TPRG1: variants seen among roughly 807,000 people sequenced by gnomAD.
TPRG1 encodes tumor protein p63 regulated 1.
TPRG1 carries 29 observed loss-of-function variants against 29.3 expected under a neutral mutation model. The ratio of observed to expected loss-of-function variants is 0.99; its 90% confidence interval spans 0.74 to 1.35. TPRG1 has a LOEUF of 1.35. Ranked by LOEUF, TPRG1 falls within the 40% of genes most tolerant of loss-of-function variation. The pLI, the probability that TPRG1 is intolerant of heterozygous loss-of-function variation, is 0.00. For synonymous variants in TPRG1, 130 were observed against 116.8 expected (o/e 1.11, Z -0.73); for missense variants, 327 against 335.0 (o/e 0.98, Z 0.19).
chr3:188,997,705 CAA>C (rs906905839), intron 1 of TPRG1, among the ~76,000 whole-genome samples: 1 of 152,160 alleles, frequency 6.6e-6, no homozygotes, highest in Admixed American at 6.5e-5. Flanking sequence ...GTTCCTGAAA[CAA>C]AGTTTATCAT....
At chr3:189,107,917 G>GA (rs922884852) in intron 1 of TPRG1, among the ~76,000 whole-genome samples, 3 of 151,474 alleles carry the variant, frequency 2.0e-5, no homozygotes, top group African/African-American at 7.3e-5. Flanking sequence ...TCACTTCCTT[G>GA]AAAAAAAATT....
intron 4 of TPRG1, among the ~76,000 whole-genome samples, chr3:189,090,163 T>C (rs1718246126): frequency 6.6e-6 from 1 of 152,156 alleles, no homozygotes. Flanking sequence ...AATATTACTT[T>C]AATACAAAGC....
chr3:189,283,086 C>T (rs1717431186), intron 4 of TPRG1, among the ~76,000 whole-genome samples: 1 of 152,192 alleles, frequency 6.6e-6, no homozygotes, highest in African/African-American at 2.4e-5. Flanking sequence ...AATCAACCCA[C>T]TCTCAAGGTG....
At chr3:189,204,947 TCACACACACACA>T (rs35018569) in intron 1 of TPRG1, among the ~76,000 whole-genome samples, 3 of 147,068 alleles carry the variant, frequency 2.0e-5, no homozygotes, top group African/African-American at 5.0e-5. Context: ...TCTCTCTCTC[TCACACACACACA>T]CACACACACA....
intron 4 of TPRG1, among the ~76,000 whole-genome samples, chr3:189,272,340 A>T (rs1302033782): frequency 6.6e-6 from 1 of 152,056 alleles, no homozygotes; most frequent in African/African-American, 2.4e-5. Context: ...TTTTGTGCCA[A>T]CTCTGCCAGG....
chr3:189,306,969 T>G lies in TPRG1; in HGVS notation c.480-3417T>G, dbSNP rs537043231. Reference sequence around the variant, plus strand: ...CTTGATAATTTGATGTTGGCAACCTTTACTTAGGACTTTAATTAACCCATC... The same window carrying G: ...CTTGATAATTTGATGTTGGCAACCTGTACTTAGGACTTTAATTAACCCATC... On this transcript the variant is annotated intron_variant, in intron 4 of 5. Coordinates refer to ENST00000345063, the MANE Select transcript of TPRG1 (RefSeq NM_198485.4). Among the ~76,000 whole-genome samples the G allele has an allele frequency of 1.2e-4, 18 of 152,320 alleles. No homozygotes were observed. The South Asian group carries it at 3.7e-3, about 32-fold the overall frequency.
At chr3:189,197,793 A>G (rs1184710823) in intron 1 of TPRG1, among the ~76,000 whole-genome samples, 1 of 152,252 alleles carries the variant, frequency 6.6e-6, no homozygotes, top group Non-Finnish European at 1.5e-5. Flanking sequence ...CACATAAACA[A>G]GAAAGAATTT....
chr3:189,107,412 A>C (rs963811606), intron 1 of TPRG1, among the ~76,000 whole-genome samples: 1 of 152,186 alleles, frequency 6.6e-6, no homozygotes, highest in Non-Finnish European at 1.5e-5. Context: ...AAAAGTAAAA[A>C]TTCTTTCTAA....
chr3:189,086,756 GA>G (rs1387525325), intron 4 of TPRG1, among the ~76,000 whole-genome samples: 1 of 151,916 alleles, frequency 6.6e-6, no homozygotes, highest in East Asian at 1.9e-4. Flanking sequence ...CGAACTCCTG[GA>G]GGAGTTTTTT....
intron 4 of TPRG1, among the ~76,000 whole-genome samples, chr3:189,250,747 T>TAAAAA (rs139028462): frequency 8.2e-6 from 1 of 122,696 alleles, no homozygotes; most frequent in Non-Finnish European, 1.7e-5. Context: ...TTCCCTTGTT[T>TAAAAA]AAAAAAAAAA....
chr3:189,097,991 G>C (rs1186428185), upstream of TPRG1, among the ~76,000 whole-genome samples: 4 of 152,158 alleles, frequency 2.6e-5, no homozygotes, highest in African/African-American at 9.7e-5. Context: ...GAAGATTTAA[G>C]AGGAGAGACA....
At chr3:189,305,908 CCTT>C (rs1211015427) in intron 4 of TPRG1, among the ~76,000 whole-genome samples, 6 of 152,290 alleles carry the variant, frequency 3.9e-5, no homozygotes, top group Admixed American at 2.0e-4. Flanking sequence ...AGTACATTGT[CCTT>C]CTTACTTCCA....
At chr3:189,055,528 A>G (rs1715611728) in intron 4 of TPRG1, among the ~76,000 whole-genome samples, 2 of 152,282 alleles carry the variant, frequency 1.3e-5, no homozygotes, top group South Asian at 2.1e-4. Flanking sequence ...GAGCTAGAAC[A>G]TTTATATTCC....
intron 4 of TPRG1, among the ~76,000 whole-genome samples, chr3:189,065,216 A>G (rs1178498122): frequency 6.6e-6 from 1 of 152,140 alleles, no homozygotes; most frequent in Non-Finnish European, 1.5e-5. Context: ...TGAGACCAAA[A>G]TGATTTTACT....
At chr3:189,083,400 C>T (rs1316290171) in intron 4 of TPRG1, among the ~76,000 whole-genome samples, 5 of 152,164 alleles carry the variant, frequency 3.3e-5, no homozygotes, top group South Asian at 2.1e-4. Context: ...AGGGAAGATG[C>T]CTTATGCATA....
At chr3:189,205,483 CTATTTT>C (rs1352509988) in intron 1 of TPRG1, among the ~76,000 whole-genome samples, 1 of 152,198 alleles carries the variant, frequency 6.6e-6, no homozygotes, top group East Asian at 1.9e-4. Flanking sequence ...TATGATCATA[CTATTTT>C]TACCTCTTGT....
intron 3 of TPRG1, among the ~76,000 whole-genome samples, chr3:189,137,738 T>G (rs1268844522): frequency 5.3e-5 from 8 of 152,166 alleles, no homozygotes; most frequent in Admixed American, 5.2e-4. Context: ...ACTTTATGCC[T>G]GCTTCTCTCA....
intron 1 of TPRG1, among the ~76,000 whole-genome samples, chr3:188,998,328 G>A (rs1255143674): frequency 6.6e-6 from 1 of 152,190 alleles, no homozygotes; most frequent in African/African-American, 2.4e-5. Context: ...CTCTGAGAAA[G>A]TTTAGGGAAA....
chr3:189,259,071 G>T (rs2109029591), intron 4 of TPRG1, among the ~76,000 whole-genome samples: 1 of 152,314 alleles, frequency 6.6e-6, no homozygotes, highest in South Asian at 2.1e-4. Flanking sequence ...CAGCTAGCTT[G>T]GTGTCTGCCC....
Sources: gnomAD v4.1 joint callset for allele counts (sites outside exome capture counted in the v4.1 genomes callset) on GRCh38, gnomAD v4.1.1 for gene constraint, MANE v1.5 for transcripts, NCBI Gene and HGNC (gene_info 2026-07-23, HGNC 2026-07-21) for gene names.